BPGM: variants seen among roughly 807,000 people sequenced by gnomAD.
BPGM encodes the protein 2,3-bisphosphoglycerate mutase, erythrocyte.
In BPGM, 15 loss-of-function variants were observed where a neutral mutation model predicts 21.6. The ratio of observed to expected loss-of-function variants is 0.70; its 90% CI spans 0.47 to 1.07. The LOEUF is 1.07. Ranked by LOEUF, BPGM falls within the 50% of genes least tolerant of loss-of-function variation. The pLI, the probability that BPGM is intolerant of heterozygous loss-of-function variation, is 0.00. For missense variants in BPGM, 273 were observed against 319.0 expected (o/e 0.86, Z 1.10); for synonymous variants, 113 against 116.2 (o/e 0.97, Z 0.18).
At position 134,661,622 on chromosome 7, in the gene BPGM, C is replaced by G; in HGVS notation, c.115C>G (p.Arg39Gly). Reference protein sequence around the residue: ...KLNSEGMEEARNCGKQLKALN... With the variant: ...KLNSEGMEEAGNCGKQLKALN... ...CAACAGCGAAGGAATGGAGGAAGCTCGGAACTGTGGGAAGCAACTCAAAGC... is the reference window on the plus strand; with the variant it reads ...CAACAGCGAAGGAATGGAGGAAGCTGGGAACTGTGGGAAGCAACTCAAAGC... The change falls in exon 2 of 3, where the codon CGG becomes GGG. Residue 39 changes from arginine (R) to glycine (G), a missense_variant. By Grantham distance (125) the Arg-to-Gly change is moderately radical. Coordinates refer to ENST00000344924, the MANE Select transcript of BPGM (RefSeq NM_001724.5). This position sits in a 1 kb window ranked among gnomAD's most constrained non-coding sequence, Gnocchi z 4.6. 3 of 1,614,070 alleles carry G rather than the reference C, an allele frequency of 1.9e-6. No individual in the cohort carries two copies. The highest frequency in any genetic ancestry group is 2.5e-6 in the Non-Finnish European group (3 of 1,180,018).
intron 2 of BPGM, among the ~76,000 whole-genome samples, chr7:134,664,059 A>G (rs1795777476): frequency 6.6e-6 from 1 of 152,150 alleles, no homozygotes; most frequent in African/African-American, 2.4e-5. Context: ...ACTATTAGCA[A>G]TTTATTTAAT....
At chr7:134,669,803 T>TA (rs1184267793) in intron 2 of BPGM, among the ~76,000 whole-genome samples, 10 of 152,112 alleles carry the variant, frequency 6.6e-5, no homozygotes, top group Non-Finnish European at 1.5e-4. Flanking sequence ...TATTATATAG[T>TA]AAAAAAATGC....
chr7:134,662,403 G>A (rs563310010), intron 2 of BPGM, among the ~76,000 whole-genome samples: 4 of 152,152 alleles, frequency 2.6e-5, no homozygotes, highest in African/African-American at 2.4e-5. Flanking sequence ...GGTCTGGGGC[G>A]CACCCTGAGA....
intron 1 of BPGM, among the ~76,000 whole-genome samples, chr7:134,656,006 A>G (rs575750302): frequency 1.3e-5 from 2 of 152,274 alleles, no homozygotes; most frequent in South Asian, 2.1e-4. Context: ...CTACTTCCCA[A>G]TGGGTGAAGA....
intron 2 of BPGM, among the ~76,000 whole-genome samples, chr7:134,674,837 CT>C (rs1226005996): frequency 6.6e-6 from 1 of 152,200 alleles, no homozygotes; most frequent in Non-Finnish European, 1.5e-5. Flanking sequence ...AATTGCCAGA[CT>C]GTTTTCGAAA....
rs535326139 is a variant in BPGM at position 134,664,997 on chromosome 7, A to G, written c.601+2889A>G. On this transcript the variant is annotated intron_variant, in intron 2 of 2. Coordinates refer to ENST00000344924, the MANE Select transcript of BPGM (RefSeq NM_001724.5). ...GTACAGAGTTTCTTGTTGGGGTGAT[A>G]AAAATATTCTAAAATTGATTGTAGT... 3.3e-5 allele frequency among the ~76,000 whole-genome samples: 5 copies of G among 152,298 alleles called. No homozygotes were observed. In the East Asian group the frequency reaches 7.7e-4, roughly 23 times the overall value.
intron 1 of BPGM, among the ~76,000 whole-genome samples, chr7:134,648,512 C>T (rs1367971719): frequency 6.6e-6 from 1 of 152,176 alleles, no homozygotes; most frequent in Non-Finnish European, 1.5e-5. Flanking sequence ...AGTAGCACCT[C>T]ATACACCGCA....
intron 2 of BPGM, among the ~76,000 whole-genome samples, chr7:134,676,075 ATTAG>A (rs1795979895): frequency 6.6e-6 from 1 of 152,162 alleles, no homozygotes; most frequent in African/African-American, 2.4e-5. Context: ...TGCTGAGTTT[ATTAG>A]TTCTAACAGG....
At chr7:134,669,600 A>T (rs1795873721) in intron 2 of BPGM, among the ~76,000 whole-genome samples, 1 of 152,134 alleles carries the variant, frequency 6.6e-6, no homozygotes, top group South Asian at 2.1e-4. Context: ...CTTGTATAAG[A>T]ATTGCAAACA....
intron 2 of BPGM, among the ~76,000 whole-genome samples, chr7:134,662,508 T>C (rs1562969289): frequency 6.6e-6 from 1 of 152,242 alleles, no homozygotes; most frequent in Non-Finnish European, 1.5e-5. Context: ...TATGGCTTGT[T>C]GTAGTGAAAT....
intron 2 of BPGM, among the ~76,000 whole-genome samples, chr7:134,677,800 TG>T (rs897996936): frequency 6.6e-6 from 1 of 152,206 alleles, no homozygotes. Context: ...TTTAGCTTGC[TG>T]AACTTCATCT....
chr7:134,662,559 T>G (rs770609523), intron 2 of BPGM, among the ~76,000 whole-genome samples: 4 of 152,232 alleles, frequency 2.6e-5, no homozygotes, highest in African/African-American at 9.6e-5. Context: ...GAAATGGCCT[T>G]GAAAGTAAAT....
chr7:134,679,775 A>C lies in BPGM; in HGVS notation c.*744A>C, dbSNP rs935489054. ...GGGTACCTGTAATTAGTTTAAAAAT[A>C]AAGTTCCTGATAATAAAGTGACTGA... On this transcript the variant is annotated 3_prime_UTR_variant, in exon 3 of 3. Transcript: ENST00000344924. 2.0e-5 allele frequency: 3 copies of C among 152,236 alleles called. No individual in the cohort carries two copies. The highest frequency in any genetic ancestry group is 4.8e-5 in the African/African-American group (2 of 41,456). The allele number at this position is 152,236 out of a possible 1,614,324, so 9.4% of individuals were successfully genotyped here. A position where few individuals can be genotyped will look rare whatever the true frequency, so the allele number is the denominator to read the frequency against.
chr7:134,671,142 C>T (rs1348191267), intron 2 of BPGM, among the ~76,000 whole-genome samples: 5 of 151,884 alleles, frequency 3.3e-5, no homozygotes, highest in South Asian at 2.1e-4. Flanking sequence ...CCAGAGAGTT[C>T]GAATTTATTC....
intron 1 of BPGM, chr7:134,658,757 A>G (rs1795680734): frequency 6.6e-6 from 1 of 152,234 alleles, no homozygotes; most frequent in African/African-American, 2.4e-5. Context: ...TGAGATAGAC[A>G]TACTAGTTTA....
At chr7:134,654,857 T>A (rs2131419248) in intron 1 of BPGM, among the ~76,000 whole-genome samples, 1 of 152,216 alleles carries the variant, frequency 6.6e-6, no homozygotes, top group African/African-American at 2.4e-5. Flanking sequence ...AGGCACAAGT[T>A]TGGTGTCAGG....
intron 1 of BPGM, among the ~76,000 whole-genome samples, chr7:134,660,138 T>A (rs527526631): frequency 1.3e-5 from 2 of 152,308 alleles, no homozygotes; most frequent in East Asian, 3.9e-4. Flanking sequence ...TAAAGCCTTA[T>A]TTTAAAGACT....
intron 2 of BPGM, among the ~76,000 whole-genome samples, chr7:134,674,114 T>C (rs1795949306): frequency 6.6e-6 from 1 of 152,070 alleles, no homozygotes; most frequent in Admixed American, 6.6e-5. Context: ...GGTTTCACCA[T>C]GTTGCCCAGG....
At chr7:134,678,554 C>G (rs1413682823) in intron 2 of BPGM, among the ~76,000 whole-genome samples, 1 of 152,196 alleles carries the variant, frequency 6.6e-6, no homozygotes, top group Non-Finnish European at 1.5e-5. Flanking sequence ...AAACTAGTAA[C>G]ACAAATGTGG....
Sources: allele counts gnomAD v4.1 joint callset (sites outside exome capture counted in the v4.1 genomes callset), GRCh38; gene constraint gnomAD v4.1.1; non-coding constraint Gnocchi (gnomAD v3.1); transcripts MANE v1.5; gene names NCBI Gene and HGNC (gene_info 2026-07-23, HGNC 2026-07-21).